The following JAZF1 variants were observed in gnomAD, a reference collection of about 807,000 sequenced individuals.
The protein encoded by JAZF1 is juxtaposed with another zinc finger protein 1.
A neutral mutation model predicts 26.4 loss-of-function variants in JAZF1; 8 were observed. The observed-to-expected ratio is 0.30, with a 90% CI of 0.18 to 0.55. The LOEUF is 0.55. JAZF1 is among the 20% of genes least tolerant of loss of function. JAZF1 has a pLI of 0.94. For missense variants in JAZF1, 199 were observed against 322.0 expected (o/e 0.62, Z 2.92); for synonymous variants, 126 against 122.3 (o/e 1.03, Z -0.20).
intron 1 of JAZF1, among the ~76,000 whole-genome samples, chr7:28,165,181 C>CA (rs1242383633): frequency 6.6e-6 from 1 of 151,976 alleles, no homozygotes; most frequent in Non-Finnish European, 1.5e-5. Context: ...AAGAAAAAAA[C>CA]AAAAACAAAA....
chr7:28,089,062 C>A (rs1354247199), intron 1 of JAZF1, among the ~76,000 whole-genome samples: 12 of 152,216 alleles, frequency 7.9e-5, no homozygotes, highest in African/African-American at 2.9e-4. Context: ...TTGGTCATCA[C>A]AGTGCATTCC....
At chr7:28,152,779 C>A (rs1783129518) in intron 1 of JAZF1, among the ~76,000 whole-genome samples, 1 of 152,064 alleles carries the variant, frequency 6.6e-6, no homozygotes. Context: ...GGTCTATTGA[C>A]ACAGGACAGG....
chr7:27,865,801 G>A (rs1045023555), intron 3 of JAZF1, among the ~76,000 whole-genome samples: 3 of 152,156 alleles, frequency 2.0e-5, no homozygotes, highest in African/African-American at 7.2e-5. Flanking sequence ...CCACAGACAC[G>A]AAAGTGACAG....
chr7:27,959,544 C>A lies in JAZF1; in HGVS notation c.188+32365G>T, dbSNP rs980980656. 2.0e-5 allele frequency among the ~76,000 whole-genome samples: 3 copies of A among 152,298 alleles called. No individual in the cohort carries two copies. In the South Asian group the frequency reaches 6.2e-4, roughly 32 times the overall value. On this transcript the variant is annotated intron_variant, in intron 2 of 4. Coordinates refer to ENST00000283928, the MANE Select transcript of JAZF1 (RefSeq NM_175061.4). Reference sequence around the variant, plus strand: ...TATTTCTTTGTCTCTTCTAAAGTACCTGGCACCCACGAGTATACAGTAACC... The same window carrying A: ...TATTTCTTTGTCTCTTCTAAAGTACATGGCACCCACGAGTATACAGTAACC...
At chr7:28,073,690 G>C (rs560884527) in intron 1 of JAZF1, among the ~76,000 whole-genome samples, 1 of 151,990 alleles carries the variant, frequency 6.6e-6, no homozygotes, top group Non-Finnish European at 1.5e-5. Context: ...GCCCCTGCCC[G>C]GGGCAGTGCT....
At chr7:28,097,618 G>A (rs1488212093) in intron 1 of JAZF1, among the ~76,000 whole-genome samples, 1 of 152,214 alleles carries the variant, frequency 6.6e-6, no homozygotes, top group Admixed American at 6.5e-5. Context: ...AGCTGAAGGA[G>A]CTGGATATAT....
chr7:27,993,662 G>A (rs1324759480), intron 1 of JAZF1, among the ~76,000 whole-genome samples: 1 of 152,096 alleles, frequency 6.6e-6, no homozygotes, highest in African/African-American at 2.4e-5. Context: ...GGTGCTTAAC[G>A]AGGTAAGAAA....
At position 28,141,884 on chromosome 7, in the gene JAZF1, A is replaced by G. The variant is rs569135726; in HGVS notation, c.115+38579T>C. Among the ~76,000 whole-genome samples, 271 of 152,316 alleles carry G rather than the reference A, an allele frequency of 1.8e-3. 2 individuals carry two copies. Among genetic ancestry groups the G allele is most frequent in the African/African-American group, 6.2e-3 (259 of 41,582 alleles). Reference sequence around the variant, plus strand: ...TTCTAATTTCTTTTATTATAAAAATAATACTTGTTACTGGTCAATATTAAT... The same window carrying G: ...TTCTAATTTCTTTTATTATAAAAATGATACTTGTTACTGGTCAATATTAAT... On this transcript the variant is annotated intron_variant, in intron 1 of 4. Coordinates refer to ENST00000283928, the MANE Select transcript of JAZF1 (RefSeq NM_175061.4).
At chr7:27,922,849 C>T (rs1784554555) in intron 2 of JAZF1, among the ~76,000 whole-genome samples, 1 of 152,150 alleles carries the variant, frequency 6.6e-6, no homozygotes. Context: ...CCTCAAAGTT[C>T]CTCACCCTGG....
In JAZF1 at chr7:27,869,533, C is replaced by T. The variant is rs965371123; in HGVS notation, c.385+25687G>A. ...ATCCCCCTTCTCCTCCCCATGCTTC[C>T]GAGACAGATGATTAAATGGACACAG... On this transcript the variant is annotated intron_variant, in intron 3 of 4. Transcript: ENST00000283928. Among the ~76,000 whole-genome samples the T allele has an allele frequency of 4.6e-5, 7 of 152,126 alleles. No homozygotes were observed. The South Asian group carries it at 6.2e-4, about 14-fold the overall frequency.
intron 1 of JAZF1, among the ~76,000 whole-genome samples, chr7:28,080,658 G>C (rs1313209189): frequency 6.6e-6 from 1 of 152,152 alleles, no homozygotes; most frequent in Non-Finnish European, 1.5e-5. Flanking sequence ...CCAGGAATAG[G>C]CAGGCTCAGG....
At chr7:28,009,753 G>C (rs1422136781) in intron 1 of JAZF1, among the ~76,000 whole-genome samples, 1 of 152,162 alleles carries the variant, frequency 6.6e-6, no homozygotes. Flanking sequence ...AAAGTGCTGG[G>C]ATCACAGGCG....
At chr7:27,905,556 ATTT>A (rs1190868560) in intron 2 of JAZF1, among the ~76,000 whole-genome samples, 1 of 148,408 alleles carries the variant, frequency 6.7e-6, no homozygotes. Context: ...TTTTCTTTTT[ATTT>A]TTTATTTTTT....
chr7:28,061,716 C>T (rs1245274130), intron 1 of JAZF1, among the ~76,000 whole-genome samples: 1 of 152,096 alleles, frequency 6.6e-6, no homozygotes, highest in Admixed American at 6.5e-5. Context: ...CCCAGAATGG[C>T]CGTATTTACA....
intron 4 of JAZF1, among the ~76,000 whole-genome samples, chr7:27,835,106 A>G (rs1583421536): frequency 6.6e-6 from 1 of 152,200 alleles, no homozygotes; most frequent in South Asian, 2.1e-4. Context: ...TTCATGGGGA[A>G]CTTGATGCAG....
chr7:28,118,155 T>C (rs1784777310), intron 1 of JAZF1: 2 of 152,218 alleles, frequency 1.3e-5, no homozygotes, highest in Non-Finnish European at 2.9e-5. Flanking sequence ...CATCCTTGCA[T>C]AAGGGCCATG....
At chr7:27,890,258 T>C (rs543287445) in intron 3 of JAZF1, among the ~76,000 whole-genome samples, 1 of 152,316 alleles carries the variant, frequency 6.6e-6, no homozygotes, top group Non-Finnish European at 1.5e-5. Flanking sequence ...GATTTCAAGG[T>C]AACAGTTTAG....
chr7:27,913,062 T>C (rs1050954864), intron 2 of JAZF1, among the ~76,000 whole-genome samples: 2 of 152,104 alleles, frequency 1.3e-5, no homozygotes, highest in African/African-American at 4.8e-5. Context: ...ATCTGGGAGC[T>C]ACTTAGTGGG....
At chr7:28,005,389 C>G (rs1562556477) in intron 1 of JAZF1, among the ~76,000 whole-genome samples, 1 of 151,290 alleles carries the variant, frequency 6.6e-6, no homozygotes, top group South Asian at 2.1e-4. Context: ...TACTTCCTAT[C>G]TCCCAGGGAA....
Sources: gnomAD v4.1 joint callset for allele counts (sites outside exome capture counted in the v4.1 genomes callset) on GRCh38, gnomAD v4.1.1 for gene constraint, MANE v1.5 for transcripts, NCBI Gene and HGNC (gene_info 2026-07-23, HGNC 2026-07-21) for gene names.